Variants in CCNH observed in about 807,000 individuals in gnomAD.
CCNH encodes cyclin-H.
CCNH carries 31 observed loss-of-function variants against 41.9 expected under a neutral mutation model. The ratio of observed to expected loss-of-function variants is 0.74; its 90% CI spans 0.56 to 1.00. The LOEUF (loss-of-function observed/expected upper bound fraction) is 1.00. Among genes scored for constraint, CCNH ranks in the 50% least tolerant of loss-of-function variants. The pLI, the probability that CCNH is intolerant of heterozygous loss-of-function variation, is 0.00. For missense variants in CCNH, 362 were observed against 388.4 expected (o/e 0.93, Z 0.57); for synonymous variants, 138 against 136.1 (o/e 1.01, Z -0.10).
intron 9 of CCNH, among the ~76,000 whole-genome samples, chr5:87,368,617 A>G (rs1760702623): frequency 1.3e-5 from 2 of 152,198 alleles, no homozygotes; most frequent in Non-Finnish European, 1.5e-5. Flanking sequence ...TGCCCTTATC[A>G]TGAAGGCACA....
At chr5:87,363,266 A>C in intron 9 of CCNH, 2 of 1,274,680 alleles carry the variant, frequency 1.6e-6, no homozygotes, top group East Asian at 4.9e-5. Flanking sequence ...ATTGATTCAT[A>C]TTTTTAGAAA....
downstream of CCNH, among the ~76,000 whole-genome samples, chr5:87,393,125 T>TAGAG: frequency 6.6e-6 from 1 of 151,952 alleles, no homozygotes; most frequent in Middle Eastern, 3.4e-3. Flanking sequence ...GAATTATTGT[T>TAGAG]AGAGAGATGA....
chr5:87,327,957 A>T lies in CCNH; in HGVS notation c.*91-9060T>A, dbSNP rs1757347108. ...ACCCCAACCTGGGTAACAGAGCAAG[A>T]CTCCGTTTCCCAAAAAAAAAAAAAA... is the stretch of plus-strand genomic sequence containing the variant. On this transcript the variant is annotated intron_variant and NMD_transcript_variant, in intron 9 of 9. Coordinates refer to the CCNH transcript ENST00000645953. 2.7e-5 allele frequency among the ~76,000 whole-genome samples: 4 copies of T among 148,498 alleles called. No individual in the cohort carries two copies. In the South Asian group the frequency reaches 8.4e-4, roughly 31 times the overall value.
At chr5:87,341,422 C>A in intron 9 of CCNH, 1 of 674,596 alleles carries the variant, frequency 1.5e-6, no homozygotes, top group Non-Finnish European at 2.1e-6. Flanking sequence ...AGGTTTTGGA[C>A]TGACTTAACT....
At chr5:87,376,614 T>C (rs1761344943) in exon 1 of CCNH, 4 of 1,567,274 alleles carry the variant, frequency 2.6e-6, no homozygotes. Flanking sequence ...AACAGAAACA[T>C]TTAACATTTA....
At chr5:87,349,080 T>C (rs976012709) in intron 9 of CCNH, 2 of 1,130,714 alleles carry the variant, frequency 1.8e-6, no homozygotes. Context: ...AGAAATTATC[T>C]TAAAAAAAAA....
chr5:87,394,532 G>A, intron 8 of CCNH, 48 bp from the exon 9 acceptor site: 2 of 1,608,112 alleles, frequency 1.2e-6, no homozygotes, highest in South Asian at 1.1e-5. Flanking sequence ...AGCATAACCA[G>A]TATTGTTTAC....
downstream of CCNH, among the ~76,000 whole-genome samples, chr5:87,393,171 T>TAAC (rs1197481804): frequency 6.6e-6 from 1 of 152,044 alleles, no homozygotes; most frequent in East Asian, 1.9e-4. Context: ...AAAATAGATG[T>TAAC]AACTATAATG....
chr5:87,360,806 A>G (rs1411140578), intron 9 of CCNH, among the ~76,000 whole-genome samples: 3 of 152,184 alleles, frequency 2.0e-5, no homozygotes, highest in Non-Finnish European at 4.4e-5. Context: ...CATCATGATA[A>G]GAGTCTAGAG....
chr5:87,389,340 C>CA (rs368043768), downstream of CCNH: 12,263 of 1,576,930 alleles, frequency 7.8e-3, 47 homozygotes, highest in Non-Finnish European at 9.5e-3. Flanking sequence ...TCAAAAAAAA[C>CA]AAAAAAAAAG....
chr5:87,385,518 A>C, intron 9 of CCNH: 2 of 738,050 alleles, frequency 2.7e-6, no homozygotes, highest in South Asian at 3.3e-5. Flanking sequence ...TTTTGTTGGT[A>C]TGTTTGTTTT....
chr5:87,391,910 T>G (rs1762555068), downstream of CCNH: 1 of 227,194 alleles, frequency 4.4e-6, no homozygotes, highest in Non-Finnish European at 8.8e-6. Context: ...CCAAGGGATA[T>G]CTTGCATAAT....
chr5:87,359,418 G>A (rs1299941721), intron 9 of CCNH, among the ~76,000 whole-genome samples: 1 of 152,170 alleles, frequency 6.6e-6, no homozygotes, highest in Non-Finnish European at 1.5e-5. Flanking sequence ...GTGATGTTGT[G>A]TTTTTGCCCA....
At chr5:87,346,050 TATA>T (rs1227647965) in intron 9 of CCNH, among the ~76,000 whole-genome samples, 1 of 152,110 alleles carries the variant, frequency 6.6e-6, no homozygotes, top group Non-Finnish European at 1.5e-5. Context: ...TGATGCCTTT[TATA>T]ATAATTTCTA....
intron 1 of CCNH, 83 bp downstream of exon 1, chr5:87,412,595 A>C: frequency 6.4e-7 from 1 of 1,554,330 alleles, no homozygotes; most frequent in Non-Finnish European, 8.7e-7. Flanking sequence ...ACGGAGCGAG[A>C]TTGTCCTGGG....
chr5:87,341,361 A>G lies in CCNH; in HGVS notation c.*91-22464T>C, dbSNP rs113053589. 3.7e-3 allele frequency: 4,659 copies of G among 1,244,424 alleles called. 95 individuals are homozygous for G. In the African/African-American group the frequency reaches 0.056, roughly 15 times the overall value. 77.1% of individuals were successfully genotyped at this position (1,244,424 alleles called of 1,614,324 possible). A position where few individuals can be genotyped will look rare whatever the true frequency, so the allele number is the denominator to read the frequency against. Reference sequence around the variant, plus strand: ...ATTATTAAAATGAAAAAAAAAATCTATATTGTAAATTTACTAATTGGAAAA... The same window carrying G: ...ATTATTAAAATGAAAAAAAAAATCTGTATTGTAAATTTACTAATTGGAAAA... On this transcript the variant is annotated intron_variant and NMD_transcript_variant, in intron 9 of 9. Coordinates refer to the CCNH transcript ENST00000645953.
chr5:87,374,350 AT>A, downstream of CCNH: 1 of 1,573,282 alleles, frequency 6.4e-7, no homozygotes, highest in South Asian at 1.1e-5. Context: ...TACATTAATC[AT>A]TTTCTTTTAC....
upstream of CCNH, among the ~76,000 whole-genome samples, chr5:87,378,063 G>A (rs76494603): frequency 6.6e-6 from 1 of 152,158 alleles, no homozygotes; most frequent in Non-Finnish European, 1.5e-5. Flanking sequence ...GGGTCAATGG[G>A]CAGCAAAGCT....
intron 7 of CCNH, among the ~76,000 whole-genome samples, chr5:87,397,315 A>G (rs930611949): frequency 6.6e-6 from 1 of 151,888 alleles, no homozygotes; most frequent in Non-Finnish European, 1.5e-5. Context: ...ACCCACCACC[A>G]CGTCCAGCTG....
Sources: allele counts gnomAD v4.1 joint callset (sites outside exome capture counted in the v4.1 genomes callset), GRCh38; gene constraint gnomAD v4.1.1; transcripts MANE v1.5; gene names NCBI Gene and HGNC (gene_info 2026-07-23, HGNC 2026-07-21).